Variants in STX11 observed in about 807,000 individuals in gnomAD.
STX11 encodes syntaxin 11.
Under a neutral mutation model 19.9 loss-of-function variants are expected in STX11, and 21 were observed. The observed-to-expected ratio is 1.06, with a 90% CI of 0.75 to 1.52. The LOEUF (loss-of-function observed/expected upper bound fraction) is 1.52. Ranked by LOEUF, STX11 falls within the 40% of genes most tolerant of loss-of-function variation. The pLI is 0.00. For synonymous variants in STX11, 193 were observed against 174.4 expected, an observed-to-expected ratio of 1.11 and a Z score of -0.84; for missense variants, 438 against 405.9, an observed-to-expected ratio of 1.08 and a Z score of -0.68.
chr6:144,150,297 G>A (rs2128745334), upstream of STX11, among the ~76,000 whole-genome samples: 1 of 152,364 alleles, frequency 6.6e-6, no homozygotes, highest in South Asian at 2.1e-4. Context: ...CACTCCCCGC[G>A]CCGGTCCGCG....
chr6:144,180,996 A>G lies in STX11; in HGVS notation c.-5-5627A>G, dbSNP rs1801899051. Among the ~76,000 whole-genome samples the G allele has an allele frequency of 6.6e-6, 1 of 152,234 alleles. No homozygotes were observed. The highest frequency in any genetic ancestry group is 2.1e-4 in the South Asian group (1 of 4,838). The stretch of plus-strand genomic sequence containing the variant: ...TTTTATTCATACTCCCATGCCTGCA[A>G]CAATTATAATTTTCCATCATAAAAT... On this transcript the variant is annotated intron_variant, in intron 1 of 1. Transcript: ENST00000367568. This position sits in a 1 kb window ranked among gnomAD's most constrained non-coding sequence, Gnocchi z 5.3.
rs1801981470 is a variant in STX11, at chr6:144,184,532, G to T, written c.-5-2091G>T. Among the ~76,000 whole-genome samples the T allele has an allele frequency of 6.6e-6, 1 of 152,178 alleles. No homozygotes were observed. Among genetic ancestry groups the T allele is most frequent in the Non-Finnish European group, 1.5e-5 (1 of 68,026 alleles). ...TCAGCAGTTTAATTTGCATTTCCTT[G>T]TTTAATACAGAAGTCTTTTGTGACT... On this transcript the variant is annotated intron_variant, in intron 1 of 1. Transcript: ENST00000367568. The surrounding 1 kb of genome is among the most constrained non-coding windows in gnomAD (Gnocchi z 6.5).
chr6:144,147,165 T>TAA (rs201004512), upstream of STX11, among the ~76,000 whole-genome samples: 5 of 143,342 alleles, frequency 3.5e-5, no homozygotes, highest in East Asian at 2.1e-4. This position sits in a 1 kb window ranked among gnomAD's most constrained non-coding sequence, Gnocchi z 4.2. Flanking sequence ...AGCTTCTAAT[T>TAA]AAAAAAAAAA....
At position 144,174,544 on chromosome 6, in the gene STX11, GT is replaced by G. The variant is rs1801727584; in HGVS notation, c.-5-12074del. 6.6e-6 allele frequency among the ~76,000 whole-genome samples: 1 copy of G among 151,776 alleles called. No homozygotes were observed. Among genetic ancestry groups the G allele is most frequent in the Non-Finnish European group, 1.5e-5 (1 of 67,926 alleles). On this transcript the variant is annotated intron_variant, in intron 1 of 1. Coordinates refer to ENST00000367568, the MANE Select transcript of STX11 (RefSeq NM_003764.4). This position sits in a 1 kb window ranked among gnomAD's most constrained non-coding sequence, Gnocchi z 5.3. ...ACCACCACACCCGGCTAATTTTTGTGTTTTTGTAGAGCTGGATTTTGCCCTG... is the reference window on the plus strand; with the variant it reads ...ACCACCACACCCGGCTAATTTTTGTGTTTTGTAGAGCTGGATTTTGCCCTG...
chr6:144,175,227 A>G lies in STX11; in HGVS notation c.-5-11396A>G, dbSNP rs1040343638. ...CACTGTACTCCAGCCTGGGCAACAG[A>G]GCGAGACCCTGTGTCAAACAATAAT... On this transcript the variant is annotated intron_variant, in intron 1 of 1. Transcript: ENST00000367568. This position sits in a 1 kb window ranked among gnomAD's most constrained non-coding sequence, Gnocchi z 5.1. Among the ~76,000 whole-genome samples the G allele has an allele frequency of 2.0e-5, 3 of 152,194 alleles. No individual in the cohort carries two copies. The highest frequency in any genetic ancestry group is 4.4e-5 in the Non-Finnish European group (3 of 68,038).
chr6:144,179,274 AC>A (rs1461792596), intron 1 of STX11, among the ~76,000 whole-genome samples: 4 of 152,218 alleles, frequency 2.6e-5, no homozygotes, highest in African/African-American at 9.6e-5. Flanking sequence ...GATCCCTCGC[AC>A]AACGTGTGGG....
chr6:144,150,090 T>TC (rs1356813550), upstream of STX11, among the ~76,000 whole-genome samples: 1 of 150,510 alleles, frequency 6.6e-6, no homozygotes, highest in African/African-American at 2.5e-5. Flanking sequence ...TCCTCGAGGG[T>TC]CCCAGGGATG....
rs560686491 is a variant in STX11 at position 144,188,152 on chromosome 6, T to A, written c.*661T>A. 4.2e-6 allele frequency: 1 copy of A among 239,896 alleles called. No homozygotes were observed. The highest frequency in any genetic ancestry group is 6.6e-5 in the East Asian group (1 of 15,242). 14.9% of individuals were successfully genotyped at this position (239,896 alleles called of 1,614,324 possible). A position where few individuals can be genotyped will look rare whatever the true frequency, so the allele number is the denominator to read the frequency against. On this transcript the variant is annotated 3_prime_UTR_variant, in exon 2 of 2. Coordinates refer to ENST00000367568, the MANE Select transcript of STX11 (RefSeq NM_003764.4). ...TTGGTATTATTTTTCCAAACATTTTTAAGCACTGAATATCGAACAAGCACT... is the reference window on the plus strand; with the variant it reads ...TTGGTATTATTTTTCCAAACATTTTAAAGCACTGAATATCGAACAAGCACT...
chr6:144,178,943 T>C (rs976181121), intron 1 of STX11, among the ~76,000 whole-genome samples: 1 of 152,170 alleles, frequency 6.6e-6, no homozygotes, highest in Non-Finnish European at 1.5e-5. Context: ...AAGAATAGTG[T>C]TTCCCTCTGT....
chr6:144,164,525 A>C (rs1801427185), intron 1 of STX11, among the ~76,000 whole-genome samples: 1 of 152,212 alleles, frequency 6.6e-6, no homozygotes, highest in African/African-American at 2.4e-5. Flanking sequence ...AAAGATATCT[A>C]CTGATTCCCA....
At chr6:144,144,046 AG>A in the STX11 span, among the ~76,000 whole-genome samples, 1 of 152,226 alleles carries the variant, frequency 6.6e-6, no homozygotes, top group Non-Finnish European at 1.5e-5. Flanking sequence ...TCCCTCTAAA[AG>A]GCTGTATCAG....
rs971024234 is a variant in STX11, at chr6:144,152,151, A to G, written c.-6+1448A>G. ...ATATGCTGGGTCCCAGTGTATTTAA[A>G]GAGTAGACTCAGCAGATTATCACCC... is the stretch of plus-strand genomic sequence containing the variant. On this transcript the variant is annotated intron_variant, in intron 1 of 1. Transcript: ENST00000367568. The surrounding 1 kb of genome is among the most constrained non-coding windows in gnomAD (Gnocchi z 4.9). Among the ~76,000 whole-genome samples, 2 of 152,244 alleles carry G rather than the reference A, an allele frequency of 1.3e-5. No homozygotes were observed. Among genetic ancestry groups the G allele is most frequent in the African/African-American group, 4.8e-5 (2 of 41,462 alleles).
the STX11 span, among the ~76,000 whole-genome samples, chr6:144,140,256 T>TATATATATA: frequency 6.5e-4 from 48 of 73,896 alleles, no homozygotes; most frequent in Non-Finnish European, 1.1e-3. Context: ...ATATATATAT[T>TATATATATA]TATTTATTTA....
At chr6:144,166,992 TG>T (rs1251399895) in intron 1 of STX11, among the ~76,000 whole-genome samples, 6 of 152,216 alleles carry the variant, frequency 3.9e-5, no homozygotes, top group African/African-American at 1.4e-4. Flanking sequence ...CCTGCATCTC[TG>T]AGGGATGCCC....
intron 1 of STX11, among the ~76,000 whole-genome samples, chr6:144,179,687 T>A (rs919132088): frequency 4.6e-5 from 7 of 152,218 alleles, no homozygotes; most frequent in African/African-American, 1.7e-4. Context: ...CCAGGATGCA[T>A]GCCCTTGGGC....
Position 144,151,196 on chromosome 6 carries a change from C to T in STX11, c.-6+493C>T, listed in dbSNP as rs1380208390. Reference sequence around the variant, plus strand: ...AAGACGGAGAAATTGATAGAGCCTTCGAGGAGTCCCTTCGAAGCCCACGTA... The same window carrying T: ...AAGACGGAGAAATTGATAGAGCCTTTGAGGAGTCCCTTCGAAGCCCACGTA... On this transcript the variant is annotated intron_variant, in intron 1 of 1. Transcript: ENST00000367568. This position sits in a 1 kb window ranked among gnomAD's most constrained non-coding sequence, Gnocchi z 4.6. 1 of 978,084 alleles carries T rather than the reference C, an allele frequency of 1.0e-6. No homozygotes were observed. The highest frequency in any genetic ancestry group is 1.7e-5 in the African/African-American group (1 of 57,170). 60.6% of individuals were successfully genotyped at this position (978,084 alleles called of 1,614,324 possible). A position where few individuals can be genotyped will look rare whatever the true frequency, so the allele number is the denominator to read the frequency against.
rs1801519844 is a variant in STX11 at position 144,167,675 on chromosome 6, G to C, written c.-6+16972G>C. Among the ~76,000 whole-genome samples the C allele has an allele frequency of 6.6e-6, 1 of 152,084 alleles. No homozygotes were observed. The highest frequency in any genetic ancestry group is 2.1e-4 in the South Asian group (1 of 4,830). On this transcript the variant is annotated intron_variant, in intron 1 of 1. Transcript: ENST00000367568. This position sits in a 1 kb window ranked among gnomAD's most constrained non-coding sequence, Gnocchi z 5.0. ...GCTCTGTTGCTCAGGTTAAAGTGCAGTGGCACGATCACAGCTCACTGAAGC... is the reference window on the plus strand; with the variant it reads ...GCTCTGTTGCTCAGGTTAAAGTGCACTGGCACGATCACAGCTCACTGAAGC...
In STX11 at chr6:144,187,608, T is replaced by A; in HGVS notation, c.*117T>A. On this transcript the variant is annotated 3_prime_UTR_variant, in exon 2 of 2. Coordinates refer to ENST00000367568, the MANE Select transcript of STX11 (RefSeq NM_003764.4). This position sits in a 1 kb window ranked among gnomAD's most constrained non-coding sequence, Gnocchi z 5.6. ...TGCCCCAACCCTTTCCGGAACTCAG[T>A]CTTTAGAAAAGAAACGCCAGGTTCA... is the stretch of plus-strand genomic sequence containing the variant. 8.0e-6 allele frequency: 11 copies of A among 1,375,718 alleles called. No homozygotes were observed. The highest frequency in any genetic ancestry group is 1.4e-5 in the African/African-American group (1 of 68,982). 85.2% of individuals were successfully genotyped at this position (1,375,718 alleles called of 1,614,324 possible). A position where few individuals can be genotyped will look rare whatever the true frequency, so the allele number is the denominator to read the frequency against.
chr6:144,140,152 C>A, the STX11 span, among the ~76,000 whole-genome samples: 1 of 141,388 alleles, frequency 7.1e-6, no homozygotes, highest in African/African-American at 2.6e-5. Flanking sequence ...TCCTTTGAAT[C>A]GGTGAGTTCA....
Sources: gnomAD v4.1 joint callset for allele counts (sites outside exome capture counted in the v4.1 genomes callset) on GRCh38, gnomAD v4.1.1 for gene constraint, Gnocchi (gnomAD v3.1) non-coding constraint, MANE v1.5 for transcripts, NCBI Gene and HGNC (gene_info 2026-07-23, HGNC 2026-07-21) for gene names.